CAMTA1: variants seen among roughly 807,000 people sequenced by gnomAD.
CAMTA1 encodes calmodulin-binding transcription activator 1.
A neutral mutation model predicts 170.9 loss-of-function variants in CAMTA1; 27 were observed. The ratio of observed to expected loss-of-function variants is 0.16; its 90% confidence interval spans 0.12 to 0.22. The LOEUF is 0.22. Among genes scored for constraint, CAMTA1 ranks in the 10% least tolerant of loss-of-function variants. CAMTA1 has a pLI of 1.00. For missense variants in CAMTA1, 1,619 were observed against 2,217.2 expected (o/e 0.73, Z 5.42); for synonymous variants, 833 against 891.5 (o/e 0.93, Z 1.17).
At chr1:7,006,050 G>A (rs374015030) in intron 3 of CAMTA1, among the ~76,000 whole-genome samples, 1 of 152,330 alleles carries the variant, frequency 6.6e-6, no homozygotes, top group East Asian at 1.9e-4. Flanking sequence ...CATTTGGAAG[G>A]ATGGAGAAGC....
At chr1:7,288,618 T>C (rs571037179) in intron 5 of CAMTA1, among the ~76,000 whole-genome samples, 8 of 152,056 alleles carry the variant, frequency 5.3e-5, no homozygotes, top group Admixed American at 5.2e-4. Flanking sequence ...AATCAAAAGT[T>C]GAGAAGGAAG....
chr1:7,264,274 C>T lies in CAMTA1; in HGVS notation c.438+14648C>T, dbSNP rs577285545. On this transcript the variant is annotated intron_variant, in intron 5 of 22. Coordinates refer to ENST00000303635, the MANE Select transcript of CAMTA1 (RefSeq NM_015215.4). ...GGTGCAGCTGATGCTGCTGGTGCCACGGATCCTACTTTGTGTTGTGGAAGT... is the reference window on the plus strand; with the variant it reads ...GGTGCAGCTGATGCTGCTGGTGCCATGGATCCTACTTTGTGTTGTGGAAGT... 3.2e-4 allele frequency among the ~76,000 whole-genome samples: 49 copies of T among 152,264 alleles called. No homozygotes were observed. The South Asian group carries it at 6.9e-3, about 21-fold the overall frequency.
intron 6 of CAMTA1, among the ~76,000 whole-genome samples, chr1:7,617,285 C>T (rs967055937): frequency 2.6e-5 from 4 of 152,202 alleles, no homozygotes; most frequent in Non-Finnish European, 5.9e-5. Flanking sequence ...CACATTCTCT[C>T]TCCAGCTCAG....
At chr1:7,039,794 T>C (rs1704147480) in intron 3 of CAMTA1, among the ~76,000 whole-genome samples, 1 of 152,112 alleles carries the variant, frequency 6.6e-6, no homozygotes, top group Non-Finnish European at 1.5e-5. Flanking sequence ...GGAAAATGGG[T>C]AACCTATAGG....
chr1:7,343,516 G>T (rs576111802), intron 5 of CAMTA1, among the ~76,000 whole-genome samples: 127 of 152,290 alleles, frequency 8.3e-4, no homozygotes, highest in African/African-American at 2.9e-3. Context: ...CACTATTGTT[G>T]TTGTTTACTT....
chr1:7,052,718 G>A (rs1225914114), intron 3 of CAMTA1, among the ~76,000 whole-genome samples: 1 of 152,118 alleles, frequency 6.6e-6, no homozygotes, highest in African/African-American at 2.4e-5. Flanking sequence ...CTCCTGAGCT[G>A]TGCCCACACC....
rs932210773 is a variant in CAMTA1, at chr1:7,762,093, A to G, written c.4990-4366A>G. 3.3e-5 allele frequency among the ~76,000 whole-genome samples: 5 copies of G among 152,248 alleles called. No homozygotes were observed. In the East Asian group the frequency reaches 7.7e-4, roughly 23 times the overall value. ...CTTGAGCCCAGAAATTCCAGGCCAC[A>G]GTGAGCTATGACTGTTCCACTGCAC... On this transcript the variant is annotated intron_variant, in intron 22 of 22. Transcript: ENST00000303635.
intron 3 of CAMTA1, among the ~76,000 whole-genome samples, chr1:7,016,231 G>C (rs1700516461): frequency 6.6e-6 from 1 of 152,152 alleles, no homozygotes; most frequent in South Asian, 2.1e-4. Context: ...CGTCTGAGTT[G>C]GTGTATGTGT....
intron 1 of CAMTA1, among the ~76,000 whole-genome samples, chr1:6,796,885 G>A (rs1008205044): frequency 2.6e-5 from 4 of 152,176 alleles, no homozygotes; most frequent in African/African-American, 7.2e-5. Flanking sequence ...ATGGTGAGCC[G>A]TAAAAAAGTT....
At chr1:7,526,381 C>T (rs1379346078) in intron 6 of CAMTA1, among the ~76,000 whole-genome samples, 3 of 152,148 alleles carry the variant, frequency 2.0e-5, no homozygotes, top group African/African-American at 7.2e-5. Flanking sequence ...GGCTACTGCA[C>T]ACCCCTGCCC....
chr1:7,698,459 G>A (rs1342390650), intron 11 of CAMTA1: 1 of 152,954 alleles, frequency 6.5e-6, no homozygotes, highest in African/African-American at 2.4e-5. Flanking sequence ...GAAGGGAAAG[G>A]AGCTTGCCAT....
chr1:7,284,409 A>G (rs180910562), intron 5 of CAMTA1, among the ~76,000 whole-genome samples: 13 of 151,954 alleles, frequency 8.6e-5, no homozygotes, highest in Non-Finnish European at 1.3e-4. Flanking sequence ...TCGCCATGTT[A>G]GCCAGGCTGG....
intron 22 of CAMTA1, among the ~76,000 whole-genome samples, chr1:7,765,920 G>A (rs920040761): frequency 1.6e-4 from 24 of 151,846 alleles, no homozygotes; most frequent in East Asian, 1.5e-3. Context: ...CCAGCTACTC[G>A]GGAGGCTAAG....
At chr1:6,921,828 G>A (rs931314403) in intron 3 of CAMTA1, among the ~76,000 whole-genome samples, 2 of 152,128 alleles carry the variant, frequency 1.3e-5, no homozygotes, top group African/African-American at 4.8e-5. Context: ...GACCCGTCCC[G>A]CTAATTCAGT....
intron 4 of CAMTA1, among the ~76,000 whole-genome samples, chr1:7,230,294 G>C (rs1662494663): frequency 6.6e-6 from 1 of 152,160 alleles, no homozygotes; most frequent in South Asian, 2.1e-4. Context: ...ATGAGGCCGG[G>C]GTCTGGGGAG....
chr1:7,501,770 C>G (rs957657543), intron 6 of CAMTA1, among the ~76,000 whole-genome samples: 10 of 152,168 alleles, frequency 6.6e-5, no homozygotes, highest in Non-Finnish European at 1.3e-4. Flanking sequence ...CCACCTCCTG[C>G]TTTCACACCG....
chr1:7,754,189 G>A (rs1211429055), intron 21 of CAMTA1, among the ~76,000 whole-genome samples: 1 of 152,166 alleles, frequency 6.6e-6, no homozygotes, highest in Non-Finnish European at 1.5e-5. Flanking sequence ...AATAGACTTT[G>A]GCCACTTTGA....
chr1:7,602,263 C>T (rs1434219075), intron 6 of CAMTA1, among the ~76,000 whole-genome samples: 3 of 149,694 alleles, frequency 2.0e-5, no homozygotes, highest in East Asian at 2.0e-4. Context: ...TGGTAGAATT[C>T]GGCTGTGAAT....
intron 6 of CAMTA1, among the ~76,000 whole-genome samples, chr1:7,503,726 AG>A (rs2094049384): frequency 6.6e-6 from 1 of 152,134 alleles, no homozygotes; most frequent in South Asian, 2.1e-4. Flanking sequence ...CTCGATTCTT[AG>A]ATGTGTGGCC....
Sources: gnomAD v4.1 joint callset for allele counts (sites outside exome capture counted in the v4.1 genomes callset) on GRCh38, gnomAD v4.1.1 for gene constraint, MANE v1.5 for transcripts, NCBI Gene and HGNC (gene_info 2026-07-23, HGNC 2026-07-21) for gene names.